NUDT8: variants seen among roughly 807,000 people sequenced by gnomAD.
The protein encoded by NUDT8 is mitochondrial coenzyme A diphosphatase NUDT8.
NUDT8 carries 14 observed loss-of-function variants against 12.5 expected under a neutral mutation model. That is an observed-to-expected ratio of 1.12 (90% CI 0.74 to 1.75). The LOEUF (loss-of-function observed/expected upper bound fraction) is 1.75, where lower values mean the gene tolerates loss of function less well. Among genes scored for constraint, NUDT8 ranks in the 40% most tolerant of loss-of-function variants. NUDT8 has a pLI of 0.00. For synonymous variants in NUDT8, 163 were observed against 156.2 expected, an observed-to-expected ratio of 1.04 and a Z score of -0.33; for missense variants, 337 against 318.5, an observed-to-expected ratio of 1.06 and a Z score of -0.44.
chr11:67,628,178 C>A lies in NUDT8; in HGVS notation c.479G>T (p.Arg160Leu). 1.2e-6 allele frequency: 2 copies of A among 1,607,650 alleles called. No individual in the cohort carries two copies. Among genetic ancestry groups the A allele is most frequent in the South Asian group, 1.1e-5 (1 of 91,088 alleles). ...TQNQGYTHFC[R>L]GGHFRYTLPV... ...TAGTGTGTAGCGGAAGTGGCCACCC[C>A]GGCAGAAGTGGGTATAGCCCTGATT... The change falls in exon 4 of 4, where the codon CGG becomes CTG. Residue 160 changes from arginine (R) to leucine (L), a missense_variant. Arg to Leu is a moderately radical substitution (Grantham distance 102). Coordinates refer to ENST00000376693, the MANE Select transcript of NUDT8 (RefSeq NM_001243750.2).
At position 67,628,903 on chromosome 11, in the gene NUDT8, C is replaced by T. The variant is rs1855157883; in HGVS notation, c.327+16G>A. ...GTGAGTGAATGGGGTGGGGTGGCCTCAGCCAAGTGGCTTACCGGATCATAC... is the reference window on the plus strand; with the variant it reads ...GTGAGTGAATGGGGTGGGGTGGCCTTAGCCAAGTGGCTTACCGGATCATAC... On this transcript the variant is annotated intron_variant, in intron 2 of 3. Coordinates refer to ENST00000376693, the MANE Select transcript of NUDT8 (RefSeq NM_001243750.2). The T allele has an allele frequency of 6.3e-7, 1 of 1,595,746 alleles. No homozygotes were observed. The highest frequency in any genetic ancestry group is 8.6e-7 in the Non-Finnish European group (1 of 1,167,662).
Position 67,628,984 on chromosome 11 carries a change from C to T in NUDT8, c.262G>A (p.Glu88Lys), listed in dbSNP as rs1855160723. 9.9e-6 allele frequency: 16 copies of T among 1,612,934 alleles called. No homozygotes were observed. The highest frequency in any genetic ancestry group is 3.3e-5 in the South Asian group (3 of 91,060). ...TCGGGCACTGCCAGGCCCAGCTCCTCCCGGGTTTCCCGCAGGGCCGTGTGC... is the reference window on the plus strand; with the variant it reads ...TCGGGCACTGCCAGGCCCAGCTCCTTCCGGGTTTCCCGCAGGGCCGTGTGC... Reference protein sequence around the residue: ...VVHTALRETREELGLAVPEEH... With the variant: ...VVHTALRETRKELGLAVPEEH... The change falls in exon 2 of 4, where the codon GAG becomes AAG. Residue 88 changes from glutamate to lysine, a missense_variant. Physicochemically the swap from Glu to Lys is moderately conservative, Grantham distance 56. Transcript: ENST00000376693.
rs762425741 is a variant in NUDT8, at chr11:67,629,806, C to G, written c.106G>C (p.Val36Leu). 10 of 1,438,994 alleles carry G rather than the reference C, an allele frequency of 6.9e-6. No individual in the cohort carries two copies. The South Asian group carries it at 1.2e-4, about 17-fold the overall frequency. 89.1% of individuals were successfully genotyped at this position (1,438,994 alleles called of 1,614,324 possible). ...ACCCCACGCACTGAGCAGAGCGGCA[C>G]GAGCACCGCGGCCGACGCGGGCCGC... ...RARPASAAVLVPLCSVRGVPA... is the reference protein window; with the variant it reads ...RARPASAAVLLPLCSVRGVPA... The change falls in exon 1 of 4, where the codon GTG becomes CTG. Residue 36 changes from valine (V) to leucine (L), a missense_variant. Physicochemically the swap from Val to Leu is conservative, Grantham distance 32. Coordinates refer to ENST00000376693, the MANE Select transcript of NUDT8 (RefSeq NM_001243750.2).
In NUDT8 at chr11:67,629,846, C is replaced by T. The variant is rs777591277; in HGVS notation, c.66G>A (p.Thr22=). 7.7e-5 allele frequency: 99 copies of T among 1,280,162 alleles called. No individual in the cohort carries two copies. The South Asian group carries it at 1.3e-3, about 16-fold the overall frequency. 79.3% of individuals were successfully genotyped at this position (1,280,162 alleles called of 1,614,324 possible). Residue 22 remains threonine, a synonymous_variant, in exon 1 of 4, where the codon ACG becomes ACA. Coordinates refer to ENST00000376693, the MANE Select transcript of NUDT8 (RefSeq NM_001243750.2). The stretch of plus-strand genomic sequence containing the variant: ...ACGCGGGCCGCGCGCGGAGCCGGGC[C>T]GTGGCCCCTGCCAGCAGCCGGCGGC... ...LRCRRLLAGA[T]ARLRARPASA...
In NUDT8 at chr11:67,628,040, G is replaced by C; in HGVS notation, c.617C>G (p.Thr206Ser). The C allele has an allele frequency of 1.6e-5, 26 of 1,598,384 alleles. No individual in the cohort carries two copies. Among genetic ancestry groups the C allele is most frequent in the Non-Finnish European group, 2.0e-5 (24 of 1,179,786 alleles). Residue 206 changes from threonine to serine, a missense_variant, in exon 4 of 4, where the codon ACC becomes AGC. Coordinates refer to ENST00000376693, the MANE Select transcript of NUDT8 (RefSeq NM_001243750.2). ...GGCCAGACCCTCAGCCCCTGAGCAG[G>C]TCAGGCCGGCCAGGCGGGGCTGGTA... ...GTYQPRLAGL[T>S]CSGAEGLARP...
In NUDT8 at chr11:67,629,695, CGAG is replaced by C. The variant is rs1565231513; in HGVS notation, c.194+20_194+22del. ...GGCTCCTGTAGCCTCCGGCAAAGGG[CGAG>C]GAGTTCCCGGCCGCTGTACCTGACG... On this transcript the variant is annotated intron_variant, in intron 1 of 3. Transcript: ENST00000376693. The C allele has an allele frequency of 7.1e-7, 1 of 1,412,312 alleles. No individual in the cohort carries two copies. The highest frequency in any genetic ancestry group is 1.4e-5 in the South Asian group (1 of 72,474). The allele number at this position is 1,412,312 out of a possible 1,614,324, so 87.5% of individuals were successfully genotyped here.
chr11:67,628,460 AG>A, intron 2 of NUDT8, 60 bp from the exon 3 acceptor site: 1 of 1,472,118 alleles, frequency 6.8e-7, no homozygotes, highest in Non-Finnish European at 9.4e-7. Context: ...AAGGCTGGGG[AG>A]GGGAGTGTGA....
In NUDT8 at chr11:67,628,099, A is replaced by G. The variant is rs1422368040; in HGVS notation, c.558T>C (p.Thr186=). The change falls in exon 4 of 4, where the codon ACT becomes ACC. Residue 186 remains threonine, a synonymous_variant. Transcript: ENST00000376693. ...GTGCCAGCAGCTGCAGGGCAAACTC[A>G]GTGATGACAGCTGTGAGGCCCCAGA... ...HRVWGLTAVI[T]EFALQLLAPG... is the part of the protein sequence containing the mutation. 6.3e-7 allele frequency: 1 copy of G among 1,598,448 alleles called. No individual in the cohort carries two copies. The highest frequency in any genetic ancestry group is 8.5e-7 in the Non-Finnish European group (1 of 1,179,806).
intron 1 of NUDT8, 134 bp from the exon 2 acceptor site, chr11:67,629,185 G>A: frequency 1.1e-6 from 1 of 940,076 alleles, no homozygotes; most frequent in Non-Finnish European, 1.6e-6. Flanking sequence ...GGAGGCCCCA[G>A]GCAAGCCATG....
chr11:67,628,002 G>T lies in NUDT8; in HGVS notation c.655C>A (p.Pro219Thr). 1 of 1,597,680 alleles carries T rather than the reference G, an allele frequency of 6.3e-7. No homozygotes were observed. ...CTGGCCTGACAGGGTGAAGCCAGGGGCTGCTTAGGGCGGGCCAGACCCTCA... is the reference window on the plus strand; with the variant it reads ...CTGGCCTGACAGGGTGAAGCCAGGGTCTGCTTAGGGCGGGCCAGACCCTCA... Reference protein sequence around the residue: ...GAEGLARPKQPLASPCQASST... With the variant: ...GAEGLARPKQTLASPCQASST... The change falls in exon 4 of 4, where the codon CCC becomes ACC. Residue 219 changes from proline to threonine, a missense_variant. Coordinates refer to ENST00000376693, the MANE Select transcript of NUDT8 (RefSeq NM_001243750.2).
rs1488649386 is a variant in NUDT8, at chr11:67,628,230, G to T, written c.427C>A (p.Pro143Thr). The T allele has an allele frequency of 6.2e-7, 1 of 1,613,016 alleles. No homozygotes were observed. Among genetic ancestry groups the T allele is most frequent in the Non-Finnish European group, 8.5e-7 (1 of 1,179,786 alleles). Residue 143 changes from proline (P) to threonine (T), a missense_variant, in exon 4 of 4, where the codon CCG (proline) becomes ACG (threonine). By Grantham distance (38) the Pro-to-Thr change is conservative. Coordinates refer to ENST00000376693, the MANE Select transcript of NUDT8 (RefSeq NM_001243750.2). ...SEEVDEVFALPLAHLLQTQNQ... is the reference protein window; with the variant it reads ...SEEVDEVFALTLAHLLQTQNQ... ...TGCGTCTGCAGCAGGTGGGCCAGCG[G>T]CAGTGCAAACACCTCATCTACCTGC...
rs1855148312 is a variant in NUDT8, at chr11:67,628,324, T to A, written c.404A>T (p.Glu135Val). The change falls in exon 3 of 4, where the codon GAG (glutamate) becomes GTG (valine). Residue 135 changes from glutamate (E) to valine (V), a missense_variant and splice_region_variant. Transcript: ENST00000376693. ...ACCCCCTCATATCCCCCAGCTCACC[T>A]CCTCCGAGTTGGGCCTGAGGCTCTG... ...DPQSLRPNSE[E>V]VDEVFALPLA... 1 of 1,613,806 alleles carries A rather than the reference T, an allele frequency of 6.2e-7. No individual in the cohort carries two copies. The highest frequency in any genetic ancestry group is 1.1e-5 in the South Asian group (1 of 91,084).
Position 67,628,121 on chromosome 11 carries a change from C to T in NUDT8, c.536G>A (p.Trp179Ter). 1 of 1,599,046 alleles carries T rather than the reference C, an allele frequency of 6.3e-7. No homozygotes were observed. The change falls in exon 4 of 4, where the codon TGG becomes TAG. Residue 179 changes from tryptophan to a stop codon, truncating the protein, a stop_gained. Coordinates refer to ENST00000376693, the MANE Select transcript of NUDT8 (RefSeq NM_001243750.2). LOFTEE classifies it low-confidence loss of function (END_TRUNC). Reference sequence around the variant, plus strand: ...CTCAGTGATGACAGCTGTGAGGCCCCAGACCCGGTGTGGTCCATGCAGGAA... The same window carrying T: ...CTCAGTGATGACAGCTGTGAGGCCCTAGACCCGGTGTGGTCCATGCAGGAA... Reference protein sequence around the residue: ...PVFLHGPHRVWGLTAVITEFA... With the variant: ...PVFLHGPHRV
rs1855178574 is a variant in NUDT8 at position 67,629,753 on chromosome 11, G to A, written c.159C>T (p.Ser53=). ...GVPALLYTLR[S]SRLTGRHKGD... ...CCTTGTGCCTCCCGGTCAGGCGGCT[G>A]GACCGCAGCGTGTACAGCAGCGCCG... The change falls in exon 1 of 4, where the codon TCC becomes TCT. Residue 53 remains serine, a synonymous_variant. Coordinates refer to ENST00000376693, the MANE Select transcript of NUDT8 (RefSeq NM_001243750.2). 1 of 1,544,370 alleles carries A rather than the reference G, an allele frequency of 6.5e-7. No homozygotes were observed. Among genetic ancestry groups the A allele is most frequent in the South Asian group, 1.2e-5 (1 of 85,250 alleles).
rs772254129 is a variant in NUDT8, at chr11:67,629,028, G to A, written c.218C>T (p.Pro73Leu). The change falls in exon 2 of 4, where the codon CCG (proline) becomes CTG (leucine). Residue 73 changes from proline to leucine, a missense_variant. Physicochemically the swap from Pro to Leu is moderately conservative, Grantham distance 98. Transcript: ENST00000376693. ...CGTGTGCACCACATCTTGGTCAGCCGGGTCGCACTTGCCGCCTGGGAAACT... is the reference window on the plus strand; with the variant it reads ...CGTGTGCACCACATCTTGGTCAGCCAGGTCGCACTTGCCGCCTGGGAAACT... ...DVSFPGGKCD[P>L]ADQDVVHTAL... 1 of 1,612,246 alleles carries A rather than the reference G, an allele frequency of 6.2e-7. No individual in the cohort carries two copies.
chr11:67,629,677 G>A (rs759751713), intron 1 of NUDT8, 41 bp downstream of exon 1: 1 of 1,293,232 alleles, frequency 7.7e-7, no homozygotes. Context: ...CCGGGCTCCT[G>A]TAGCCTCCGG....
In NUDT8 at chr11:67,629,097, G is replaced by A. The variant is rs199611332; in HGVS notation, c.195-46C>T. The A allele has an allele frequency of 1.0e-4, 161 of 1,563,472 alleles. 1 individual carries two copies. The Middle Eastern group carries it at 2.2e-3, about 22-fold the overall frequency. Reference sequence around the variant, plus strand: ...TGGTCCTTGGACTCTTGGGGCCACGGAGAGGTCGGGGTATCGGCAGTGCGG... The same window carrying A: ...TGGTCCTTGGACTCTTGGGGCCACGAAGAGGTCGGGGTATCGGCAGTGCGG... On this transcript the variant is annotated intron_variant, in intron 1 of 3. Transcript: ENST00000376693.
At position 67,629,870 on chromosome 11, in the gene NUDT8, G is replaced by A. The variant is rs1855184118; in HGVS notation, c.42C>T (p.Cys14=). The A allele has an allele frequency of 2.4e-6, 3 of 1,251,836 alleles. No homozygotes were observed. Among genetic ancestry groups the A allele is most frequent in the South Asian group, 3.6e-5 (1 of 27,864 alleles). 77.5% of individuals were successfully genotyped at this position (1,251,836 alleles called of 1,614,324 possible). ...CCGTGGCCCCTGCCAGCAGCCGGCGGCAGCGCAGCTCGCCCTCGGCCGACA... is the reference window on the plus strand; with the variant it reads ...CCGTGGCCCCTGCCAGCAGCCGGCGACAGCGCAGCTCGCCCTCGGCCGACA... The part of the protein sequence containing the change: ...DCLSAEGELR[C]RRLLAGATAR... Residue 14 remains cysteine (C), a synonymous_variant, in exon 1 of 4, where the codon TGC becomes TGT. Coordinates refer to ENST00000376693, the MANE Select transcript of NUDT8 (RefSeq NM_001243750.2).
chr11:67,629,083 C>T lies in NUDT8; in HGVS notation c.195-32G>A, dbSNP rs112849252. 8.7e-3 allele frequency: 13,756 copies of T among 1,580,488 alleles called. 1,038 individuals are homozygous for T. The African/African-American group carries it at 0.16, about 19-fold the overall frequency. ...AGACACAAGGAGTCTGGTCCTTGGA[C>T]TCTTGGGGCCACGGAGAGGTCGGGG... On this transcript the variant is annotated intron_variant, in intron 1 of 3. Coordinates refer to ENST00000376693, the MANE Select transcript of NUDT8 (RefSeq NM_001243750.2).
Sources: allele counts gnomAD v4.1 joint callset, GRCh38; gene constraint gnomAD v4.1.1; transcripts MANE v1.5; gene names NCBI Gene and HGNC (gene_info 2026-07-23, HGNC 2026-07-21).